Variants in RPS6KA2 observed in about 807,000 individuals in gnomAD.
RPS6KA2 encodes the protein ribosomal protein S6 kinase alpha-2.
RPS6KA2 carries 42 observed loss-of-function variants against 91.8 expected under a neutral mutation model. The observed-to-expected ratio is 0.46, with a 90% confidence interval of 0.36 to 0.59. The LOEUF is 0.59. RPS6KA2 is among the 20% of genes least tolerant of loss of function. RPS6KA2 has a pLI of 0.00. For missense variants in RPS6KA2, 798 were observed against 978.5 expected, an observed-to-expected ratio of 0.82 and a Z score of 2.46; for synonymous variants, 414 against 393.6, an observed-to-expected ratio of 1.05 and a Z score of -0.61.
chr6:166,605,798 A>G (rs992304644), intron 1 of RPS6KA2, among the ~76,000 whole-genome samples: 5 of 152,246 alleles, frequency 3.3e-5, no homozygotes, highest in African/African-American at 1.2e-4. Flanking sequence ...AAAAGAGCAA[A>G]TCAAAAGATT....
At chr6:166,677,062 C>A (rs1450479146) in intron 2 of RPS6KA2, among the ~76,000 whole-genome samples, 1 of 152,158 alleles carries the variant, frequency 6.6e-6, no homozygotes, top group African/African-American at 2.4e-5. Context: ...CTCAATTCTA[C>A]CAAATTTAGG....
chr6:166,640,280 A>C (rs1417006009), intron 2 of RPS6KA2, among the ~76,000 whole-genome samples: 1 of 152,200 alleles, frequency 6.6e-6, no homozygotes, highest in Admixed American at 6.5e-5. Flanking sequence ...AAAAGAGAAC[A>C]TAAAATCTTT....
intron 12 of RPS6KA2, among the ~76,000 whole-genome samples, chr6:166,457,025 G>A (rs973749456): frequency 6.6e-6 from 1 of 152,210 alleles, no homozygotes; most frequent in Non-Finnish European, 1.5e-5. Flanking sequence ...AAGATAAAAG[G>A]CATGTCCATA....
chr6:166,442,307 C>T (rs1304484661), intron 14 of RPS6KA2, among the ~76,000 whole-genome samples: 1 of 152,214 alleles, frequency 6.6e-6, no homozygotes, highest in Non-Finnish European at 1.5e-5. Flanking sequence ...AACACTGGGG[C>T]TCCCCGCCTT....
chr6:166,521,291 C>T (rs1583235180), intron 3 of RPS6KA2, among the ~76,000 whole-genome samples: 1 of 152,218 alleles, frequency 6.6e-6, no homozygotes, highest in Non-Finnish European at 1.5e-5. Flanking sequence ...GGAGGCCACC[C>T]AAAGCTGTGG....
rs1784406294 is a variant in RPS6KA2, at chr6:166,563,565, A to ACCCCCACCCCCCCCCTCC, written c.100-24782_100-24781insGGAGGGGGGGGGTGGGGG. On this transcript the variant is annotated intron_variant, in intron 1 of 20. Coordinates refer to ENST00000265678, the MANE Select transcript of RPS6KA2 (RefSeq NM_021135.6). This position sits in a 1 kb window ranked among gnomAD's most constrained non-coding sequence, Gnocchi z 4.1. ...GAGCGGCTGACCAGTCACCAGACTC[A>ACCCCCACCCCCCCCCTCC]CCCCCACCCGCCCTCTCCCCTCCAC... Among the ~76,000 whole-genome samples the ACCCCCACCCCCCCCCTCC allele has an allele frequency of 6.8e-6, 1 of 147,278 alleles. No individual in the cohort carries two copies. Among genetic ancestry groups the ACCCCCACCCCCCCCCTCC allele is most frequent in the Non-Finnish European group, 1.5e-5 (1 of 66,842 alleles).
intron 2 of RPS6KA2, among the ~76,000 whole-genome samples, chr6:166,771,791 G>C (rs1037748036): frequency 1.3e-5 from 2 of 152,252 alleles, no homozygotes; most frequent in African/African-American, 2.4e-5. Flanking sequence ...GCTAACAGGA[G>C]ATGCCAGCGG....
chr6:166,507,926 A>G (rs1782307404), intron 5 of RPS6KA2, among the ~76,000 whole-genome samples: 1 of 120,766 alleles, frequency 8.3e-6, no homozygotes, highest in Non-Finnish European at 1.7e-5. Flanking sequence ...CCCACACATC[A>G]CGCACATGCA....
chr6:166,449,383 G>A (rs1397653573), intron 13 of RPS6KA2, among the ~76,000 whole-genome samples: 2 of 139,798 alleles, frequency 1.4e-5, no homozygotes, highest in African/African-American at 5.1e-5. Flanking sequence ...TTTCTCCAAA[G>A]GCCAGGGAAG....
chr6:166,800,558 C>T (rs1036693558), intron 2 of RPS6KA2, among the ~76,000 whole-genome samples: 1 of 152,186 alleles, frequency 6.6e-6, no homozygotes, highest in African/African-American at 2.4e-5. Context: ...CAGCACTTAG[C>T]CCCTCTGGAG....
intron 2 of RPS6KA2, chr6:166,701,718 G>C: frequency 7.7e-7 from 1 of 1,306,848 alleles, no homozygotes; most frequent in South Asian, 1.2e-5. Context: ...GACCCAAGGC[G>C]TTCAGATTTA....
chr6:166,758,430 A>AGC (rs1778080218), intron 2 of RPS6KA2, among the ~76,000 whole-genome samples: 1 of 152,212 alleles, frequency 6.6e-6, no homozygotes, highest in Non-Finnish European at 1.5e-5. Context: ...CCAGAACATC[A>AGC]GCCCCTTTCT....
chr6:166,536,167 T>C (rs938801005), intron 2 of RPS6KA2, among the ~76,000 whole-genome samples: 6 of 152,262 alleles, frequency 3.9e-5, no homozygotes, highest in African/African-American at 1.4e-4. Flanking sequence ...CAGGCAACTA[T>C]GAGCCCTGTT....
intron 3 of RPS6KA2, among the ~76,000 whole-genome samples, chr6:166,519,120 T>C (rs1782759710): frequency 6.6e-6 from 1 of 152,252 alleles, no homozygotes; most frequent in African/African-American, 2.4e-5. Context: ...AGCCGCCTCT[T>C]TGACAGCCAG....
intron 2 of RPS6KA2, among the ~76,000 whole-genome samples, chr6:166,684,328 C>T (rs1788938248): frequency 1.3e-5 from 2 of 152,212 alleles, no homozygotes; most frequent in Non-Finnish European, 2.9e-5. Context: ...GAAATTTCTG[C>T]ATAAACTGCC....
Position 166,691,971 on chromosome 6 carries a change from C to T in RPS6KA2, c.124-153187G>A, listed in dbSNP as rs564422837. On this transcript the variant is annotated intron_variant, in intron 2 of 21. Transcript: ENST00000503859. ...CACAGGCTCCTGGGCAGCTATTCCCCGTGTCCCAGGAGCAGTCACCCATCA... is the reference window on the plus strand; with the variant it reads ...CACAGGCTCCTGGGCAGCTATTCCCTGTGTCCCAGGAGCAGTCACCCATCA... Among the ~76,000 whole-genome samples, 7 of 152,280 alleles carry T rather than the reference C, an allele frequency of 4.6e-5. No individual in the cohort carries two copies. In the South Asian group the frequency reaches 1.0e-3, roughly 23 times the overall value.
chr6:166,516,650 G>A (rs1224787517), intron 3 of RPS6KA2, among the ~76,000 whole-genome samples: 2 of 152,240 alleles, frequency 1.3e-5, no homozygotes, highest in East Asian at 1.9e-4. Flanking sequence ...CTTCCACAAG[G>A]AGAAATCCTC....
intron 2 of RPS6KA2, among the ~76,000 whole-genome samples, chr6:166,763,197 G>A (rs1427488834): frequency 6.6e-6 from 1 of 152,212 alleles, no homozygotes; most frequent in Non-Finnish European, 1.5e-5. Flanking sequence ...GATGGCATTC[G>A]CTTAGCATGG....
At position 166,466,527 on chromosome 6, in the gene RPS6KA2, TCAGGGTCTCCCATCC is replaced by T. The variant is rs886128766; in HGVS notation, c.972+3299_972+3313del. Among the ~76,000 whole-genome samples, 3 of 152,178 alleles carry T rather than the reference TCAGGGTCTCCCATCC, an allele frequency of 2.0e-5. No homozygotes were observed. The East Asian group carries it at 5.8e-4, about 29-fold the overall frequency. ...TTCTCTTTCCTACCAGCTGCAGCCC[TCAGGGTCTCCCATCC>T]CAGGATGCTGCCCTGCCCACCTGCA... On this transcript the variant is annotated intron_variant, in intron 11 of 20. Transcript: ENST00000265678.
Sources: gnomAD v4.1 joint callset for allele counts (sites outside exome capture counted in the v4.1 genomes callset) on GRCh38, gnomAD v4.1.1 for gene constraint, Gnocchi (gnomAD v3.1) non-coding constraint, MANE v1.5 for transcripts, NCBI Gene and HGNC (gene_info 2026-07-23, HGNC 2026-07-21) for gene names.